The following ST6GAL1 variants were observed in gnomAD, a reference collection of about 807,000 sequenced individuals.
The protein encoded by ST6GAL1 is beta-galactoside alpha-2,6-sialyltransferase 1.
ST6GAL1 carries 20 observed loss-of-function variants against 38.0 expected under a neutral mutation model. The ratio of observed to expected loss-of-function variants is 0.53; its 90% confidence interval spans 0.37 to 0.77. ST6GAL1 has a LOEUF of 0.77. Ranked by LOEUF, ST6GAL1 falls within the 30% of genes least tolerant of loss-of-function variation. ST6GAL1 has a pLI of 0.00. For missense variants in ST6GAL1, 432 were observed against 496.4 expected, an observed-to-expected ratio of 0.87 and a Z score of 1.23; for synonymous variants, 196 against 188.2, an observed-to-expected ratio of 1.04 and a Z score of -0.34.
At chr3:187,027,707 G>T (rs1380439777) in intron 2 of ST6GAL1, among the ~76,000 whole-genome samples, 1 of 152,124 alleles carries the variant, frequency 6.6e-6, no homozygotes, top group Non-Finnish European at 1.5e-5. Flanking sequence ...CAACAAACAG[G>T]TATTGAGCTC....
chr3:187,036,135 C>T (rs1488528211), intron 2 of ST6GAL1, among the ~76,000 whole-genome samples: 2 of 151,964 alleles, frequency 1.3e-5, no homozygotes, highest in Non-Finnish European at 2.9e-5. Flanking sequence ...ATATAAGCTG[C>T]CAACAAACAT....
At chr3:186,993,507 T>C (rs1317180422) in intron 2 of ST6GAL1, among the ~76,000 whole-genome samples, 1 of 152,226 alleles carries the variant, frequency 6.6e-6, no homozygotes, top group Non-Finnish European at 1.5e-5. Context: ...CCCCTTGGCA[T>C]CACGGGGTGC....
At chr3:187,070,193 A>AT (rs1369741873) in intron 5 of ST6GAL1, among the ~76,000 whole-genome samples, 3 of 152,064 alleles carry the variant, frequency 2.0e-5, no homozygotes, top group Non-Finnish European at 4.4e-5. Flanking sequence ...AGGCTATGAA[A>AT]TTTTTTTATT....
intron 1 of ST6GAL1, among the ~76,000 whole-genome samples, chr3:186,961,910 G>C (rs1714948111): frequency 6.6e-6 from 1 of 152,138 alleles, no homozygotes; most frequent in Non-Finnish European, 1.5e-5. Flanking sequence ...CTTTGCTCTT[G>C]TTCCCCCAGG....
chr3:187,057,742 C>CG (rs1329048718), intron 5 of ST6GAL1, among the ~76,000 whole-genome samples: 1 of 152,200 alleles, frequency 6.6e-6, no homozygotes, highest in African/African-American at 2.4e-5. Flanking sequence ...TTAGGCTACA[C>CG]GGGGCTCAGG....
intron 1 of ST6GAL1, among the ~76,000 whole-genome samples, chr3:186,962,327 C>T (rs111449581): frequency 6.6e-6 from 1 of 152,160 alleles, no homozygotes; most frequent in Admixed American, 6.5e-5. Flanking sequence ...TCTCTCCTTA[C>T]GAATTGTCAT....
chr3:186,998,570 C>T (rs1055763022), intron 2 of ST6GAL1, among the ~76,000 whole-genome samples: 7 of 151,694 alleles, frequency 4.6e-5, no homozygotes, highest in African/African-American at 7.3e-5. Context: ...AGAAGGAGGG[C>T]GAGGGGGAGG....
intron 2 of ST6GAL1, among the ~76,000 whole-genome samples, chr3:186,985,539 G>C (rs572896167): frequency 4.6e-5 from 7 of 151,858 alleles, no homozygotes; most frequent in Non-Finnish European, 1.0e-4. Flanking sequence ...GTCAAGGTGG[G>C]TGCATCTTGA....
intron 2 of ST6GAL1, among the ~76,000 whole-genome samples, chr3:187,013,848 G>A (rs1033814434): frequency 1.3e-5 from 2 of 152,194 alleles, no homozygotes; most frequent in South Asian, 2.1e-4. Flanking sequence ...GCCTCCCAAC[G>A]TGCTGGGATT....
At chr3:187,004,843 A>G (rs934833929) in intron 2 of ST6GAL1, among the ~76,000 whole-genome samples, 3 of 152,244 alleles carry the variant, frequency 2.0e-5, no homozygotes, top group Non-Finnish European at 4.4e-5. Context: ...AAGCTAAAAG[A>G]GAAGAAATCA....
At chr3:186,994,200 C>T (rs1172365229) in intron 2 of ST6GAL1, among the ~76,000 whole-genome samples, 4 of 152,158 alleles carry the variant, frequency 2.6e-5, no homozygotes, top group African/African-American at 9.7e-5. Flanking sequence ...TGAAATAATG[C>T]CCACAGTTCT....
At chr3:186,954,227 A>G (rs1265009837) in intron 1 of ST6GAL1, among the ~76,000 whole-genome samples, 2 of 152,174 alleles carry the variant, frequency 1.3e-5, no homozygotes, top group Non-Finnish European at 2.9e-5. Flanking sequence ...TATCCAGTGT[A>G]TCACTGATGG....
intron 5 of ST6GAL1, among the ~76,000 whole-genome samples, chr3:187,066,183 A>G (rs1368912448): frequency 6.6e-6 from 1 of 152,168 alleles, no homozygotes; most frequent in East Asian, 1.9e-4. Context: ...TATTAATATC[A>G]TAATTGGAGC....
chr3:187,072,271 T>C (rs1719409567), intron 5 of ST6GAL1: 1 of 158,202 alleles, frequency 6.3e-6, no homozygotes, highest in African/African-American at 2.4e-5. Flanking sequence ...GCATGCACTC[T>C]GGCCTCTGCA....
chr3:187,072,460 GAT>G (rs1719417510), intron 5 of ST6GAL1: 1 of 330,096 alleles, frequency 3.0e-6, no homozygotes, highest in Non-Finnish European at 5.9e-6. Flanking sequence ...CTCTCTAGGT[GAT>G]TGAAAGGATT....
intron 2 of ST6GAL1, among the ~76,000 whole-genome samples, chr3:187,034,422 T>C (rs1717858480): frequency 1.3e-5 from 2 of 152,154 alleles, no homozygotes; most frequent in East Asian, 3.8e-4. Context: ...AGCATTACCC[T>C]GATACCAAAA....
chr3:186,952,262 C>G lies in ST6GAL1; in HGVS notation c.-324-11523C>G, dbSNP rs191195511. On this transcript the variant is annotated intron_variant, in intron 1 of 7. Coordinates refer to ENST00000169298, the MANE Select transcript of ST6GAL1 (RefSeq NM_173216.2). This position sits in a 1 kb window ranked among gnomAD's most constrained non-coding sequence, Gnocchi z 4.1. ...ACTCAACATGATCAGTCTTTTGTAC[C>G]CATCACACCACCAAAACCATACCGG... Among the ~76,000 whole-genome samples, 1 of 152,114 alleles carries G rather than the reference C, an allele frequency of 6.6e-6. No homozygotes were observed. The highest frequency in any genetic ancestry group is 6.5e-5 in the Admixed American group (1 of 15,274).
At chr3:186,976,164 G>T (rs989158663) in intron 2 of ST6GAL1, among the ~76,000 whole-genome samples, 2 of 152,120 alleles carry the variant, frequency 1.3e-5, no homozygotes, top group Non-Finnish European at 2.9e-5. Context: ...CTTGTCCAAG[G>T]TCATCCAGTG....
intron 2 of ST6GAL1, among the ~76,000 whole-genome samples, chr3:187,026,773 C>G (rs1315922842): frequency 6.6e-6 from 1 of 152,170 alleles, no homozygotes; most frequent in East Asian, 1.9e-4. Context: ...GGGCCAGGTG[C>G]GGTGGCTCAC....
Sources: allele counts gnomAD v4.1 joint callset (sites outside exome capture counted in the v4.1 genomes callset), GRCh38; gene constraint gnomAD v4.1.1; non-coding constraint Gnocchi (gnomAD v3.1); transcripts MANE v1.5; gene names NCBI Gene and HGNC (gene_info 2026-07-23, HGNC 2026-07-21).